EXT1: variants seen among roughly 807,000 people sequenced by gnomAD.
EXT1 encodes exostosin-1.
EXT1 carries 20 observed loss-of-function variants against 82.5 expected under a neutral mutation model. The ratio of observed to expected loss-of-function variants is 0.24; its 90% CI spans 0.17 to 0.35. The LOEUF (loss-of-function observed/expected upper bound fraction) is 0.35, where lower values mean the gene tolerates loss of function less well. Among genes scored for constraint, EXT1 ranks in the 10% least tolerant of loss-of-function variants. EXT1 has a pLI of 1.00. For missense variants in EXT1, 757 were observed against 936.5 expected (o/e 0.81, Z 2.50); for synonymous variants, 348 against 350.8 (o/e 0.99, Z 0.09).
intron 1 of EXT1, among the ~76,000 whole-genome samples, chr8:117,969,592 A>G (rs1318796690): frequency 6.6e-6 from 1 of 152,202 alleles, no homozygotes; most frequent in South Asian, 2.1e-4. Flanking sequence ...CAAATACTGA[A>G]AAATCCGTGA....
chr8:117,876,740 C>G (rs915001208), intron 1 of EXT1, among the ~76,000 whole-genome samples: 21 of 152,256 alleles, frequency 1.4e-4, no homozygotes, highest in Admixed American at 1.2e-3. Context: ...TGAAGACTGA[C>G]ACAAAATTAA....
chr8:117,971,126 A>G (rs961376151), intron 1 of EXT1, among the ~76,000 whole-genome samples: 2 of 152,168 alleles, frequency 1.3e-5, no homozygotes, highest in Admixed American at 1.3e-4. Context: ...TCACCTGTGC[A>G]GGCTTGCCCT....
At position 118,097,005 on chromosome 8, in the gene EXT1, G is replaced by A. The variant is rs186413984; in HGVS notation, c.962+13080C>T. 3.2e-3 allele frequency among the ~76,000 whole-genome samples: 489 copies of A among 152,012 alleles called. 3 individuals carry two copies. Among genetic ancestry groups the A allele is most frequent in the African/African-American group, 0.011 (463 of 41,454 alleles). Reference sequence around the variant, plus strand: ...CTGTGAGTCAGTCGGGCATGGTGCTGAGGCTCTGAAGGTATAATGGTACGA... The same window carrying A: ...CTGTGAGTCAGTCGGGCATGGTGCTAAGGCTCTGAAGGTATAATGGTACGA... On this transcript the variant is annotated intron_variant, in intron 1 of 10. Transcript: ENST00000378204.
chr8:118,017,938 T>C (rs1003088552), intron 1 of EXT1, among the ~76,000 whole-genome samples: 1 of 152,186 alleles, frequency 6.6e-6, no homozygotes, highest in African/African-American at 2.4e-5. Context: ...TTTCCACACA[T>C]TGGCTCAGAG....
At chr8:117,837,883 G>C (rs71530885) in intron 1 of EXT1, among the ~76,000 whole-genome samples, 1 of 151,900 alleles carries the variant, frequency 6.6e-6, no homozygotes, top group Admixed American at 6.6e-5. Context: ...GAACTAGGAG[G>C]GGGTACAGGA....
intron 8 of EXT1, among the ~76,000 whole-genome samples, chr8:117,810,629 T>G (rs561398931): frequency 1.3e-5 from 2 of 152,176 alleles, no homozygotes; most frequent in East Asian, 1.9e-4. Flanking sequence ...AGATAGAGGA[T>G]GAATCAATAC....
chr8:118,107,814 G>A (rs183519299), intron 1 of EXT1, among the ~76,000 whole-genome samples: 20 of 152,292 alleles, frequency 1.3e-4, no homozygotes, highest in Non-Finnish European at 2.2e-4. Context: ...TGTACCAGGC[G>A]AGTGAATGTA....
At chr8:117,813,542 C>T (rs1823369434) in intron 7 of EXT1, among the ~76,000 whole-genome samples, 1 of 152,136 alleles carries the variant, frequency 6.6e-6, no homozygotes, top group Admixed American at 6.5e-5. Flanking sequence ...ACGGGGAGAG[C>T]AGATCACTGT....
chr8:117,799,769 G>T lies in EXT1; in HGVS notation c.2184C>A (p.Leu728=). The part of the protein sequence containing the change: ...IHSQMRLDPV[L]FKDQVSILRK... ...TCAAAATAGAGACCTGGTCTTTAAA[G>T]AGGACGGGGTCGAGCCTCATCTGAG... Residue 728 remains leucine (L), a synonymous_variant, in exon 11 of 11, where the codon CTC becomes CTA. Coordinates refer to ENST00000378204, the MANE Select transcript of EXT1 (RefSeq NM_000127.3). The T allele has an allele frequency of 1.2e-6, 2 of 1,614,174 alleles. No individual in the cohort carries two copies. Among genetic ancestry groups the T allele is most frequent in the Non-Finnish European group, 1.7e-6 (2 of 1,180,028 alleles).
At chr8:117,942,231 T>C (rs1051058648) in intron 1 of EXT1, among the ~76,000 whole-genome samples, 5 of 152,192 alleles carry the variant, frequency 3.3e-5, no homozygotes, top group African/African-American at 4.8e-5. Context: ...TGCATCCTCA[T>C]TGTACCTGTG....
intron 1 of EXT1, among the ~76,000 whole-genome samples, chr8:117,871,103 C>A (rs1419997916): frequency 6.6e-6 from 1 of 152,152 alleles, no homozygotes; most frequent in Non-Finnish European, 1.5e-5. Context: ...CTATGCATTG[C>A]CTGCATCTTA....
At chr8:118,001,927 T>C (rs1427889391) in intron 1 of EXT1, among the ~76,000 whole-genome samples, 2 of 152,328 alleles carry the variant, frequency 1.3e-5, no homozygotes, top group East Asian at 1.9e-4. Flanking sequence ...TTTATTAAAA[T>C]TTACTAATGC....
rs1474103518 is a variant in EXT1, at chr8:118,005,086, C to A, written c.962+104999G>T. Among the ~76,000 whole-genome samples, 10 of 152,178 alleles carry A rather than the reference C, an allele frequency of 6.6e-5. No homozygotes were observed. The East Asian group carries it at 1.7e-3, about 26-fold the overall frequency. ...AAGTGATTTGCATGAGATCACAGAG[C>A]TGGAGAGTGGCAGTCAGGACTTGAG... On this transcript the variant is annotated intron_variant, in intron 1 of 10. Coordinates refer to ENST00000378204, the MANE Select transcript of EXT1 (RefSeq NM_000127.3).
At chr8:118,088,799 G>A (rs571649633) in intron 1 of EXT1, among the ~76,000 whole-genome samples, 66 of 151,800 alleles carry the variant, frequency 4.3e-4, no homozygotes, top group South Asian at 1.5e-3. Flanking sequence ...GTTATGAGCT[G>A]TACTCACTAG....
chr8:117,980,395 T>C (rs1391227512), intron 1 of EXT1, among the ~76,000 whole-genome samples: 1 of 152,126 alleles, frequency 6.6e-6, no homozygotes, highest in Non-Finnish European at 1.5e-5. Flanking sequence ...CACCTCCCAA[T>C]TCAAATCAGC....
intron 1 of EXT1, among the ~76,000 whole-genome samples, chr8:117,997,290 T>C (rs906152598): frequency 7.0e-5 from 10 of 143,418 alleles, no homozygotes; most frequent in African/African-American, 2.6e-4. Flanking sequence ...ATACTTTATA[T>C]ATAATATACT....
chr8:118,072,111 G>A (rs552964236), intron 1 of EXT1, among the ~76,000 whole-genome samples: 4 of 152,242 alleles, frequency 2.6e-5, no homozygotes, highest in South Asian at 4.2e-4. Flanking sequence ...TAGACTCCCC[G>A]CCTTGGTTCC....
chr8:117,861,817 C>T (rs547150280), intron 1 of EXT1, among the ~76,000 whole-genome samples: 3 of 144,518 alleles, frequency 2.1e-5, no homozygotes, highest in African/African-American at 4.9e-5. Flanking sequence ...GTCTTAAAAA[C>T]CCAGATCCTC....
chr8:118,073,397 G>A (rs1002843686), intron 1 of EXT1, among the ~76,000 whole-genome samples: 4 of 152,122 alleles, frequency 2.6e-5, no homozygotes. Flanking sequence ...AAGGTGGGCG[G>A]ATCACTTGAG....
Sources: allele counts gnomAD v4.1 joint callset (sites outside exome capture counted in the v4.1 genomes callset), GRCh38; gene constraint gnomAD v4.1.1; transcripts MANE v1.5; gene names NCBI Gene and HGNC (gene_info 2026-07-23, HGNC 2026-07-21).